Variants in LYRM1 observed in about 807,000 individuals in gnomAD.
The protein encoded by LYRM1 is LYR motif containing 1, also known as LYR motif-containing protein 1.
In LYRM1, 14 loss-of-function variants were observed where a neutral mutation model predicts 14.9. That is an observed-to-expected ratio of 0.94 (90% CI 0.62 to 1.47). The LOEUF is 1.47. Ranked by LOEUF, LYRM1 falls within the 40% of genes most tolerant of loss-of-function variation. The pLI is 0.00. For missense variants in LYRM1, 153 were observed against 149.9 expected (o/e 1.02, Z -0.11); for synonymous variants, 43 against 56.2 (o/e 0.77, Z 1.05).
chr16:20,914,981 T>G (rs2082799475), intron 1 of LYRM1, among the ~76,000 whole-genome samples: 1 of 152,174 alleles, frequency 6.6e-6, no homozygotes. Flanking sequence ...GAATAATAAG[T>G]GTGAGCTTTG....
intron 2 of LYRM1, among the ~76,000 whole-genome samples, chr16:20,916,445 C>T (rs1195562985): frequency 6.6e-6 from 1 of 152,156 alleles, no homozygotes; most frequent in Non-Finnish European, 1.5e-5. Flanking sequence ...GTCACTGCTC[C>T]CCTCATGAAA....
chr16:20,923,266 A>G (rs1446224382), intron 3 of LYRM1, among the ~76,000 whole-genome samples: 1 of 152,236 alleles, frequency 6.6e-6, no homozygotes, highest in African/African-American at 2.4e-5. Flanking sequence ...ATGGGAGGCC[A>G]AGGCAGGTGG....
At chr16:20,910,866 G>C (rs556002403) in intron 1 of LYRM1, among the ~76,000 whole-genome samples, 2 of 152,342 alleles carry the variant, frequency 1.3e-5, no homozygotes, top group East Asian at 3.9e-4. Context: ...AGTCAAGGAA[G>C]TTCCGTCTGT....
At chr16:20,916,680 A>G (rs544737659) in intron 2 of LYRM1, among the ~76,000 whole-genome samples, 13 of 152,244 alleles carry the variant, frequency 8.5e-5, no homozygotes, top group East Asian at 1.9e-4. Context: ...CCACGGCTCA[A>G]TGGTCCAAAG....
chr16:20,917,917 T>C (rs1026100557), intron 2 of LYRM1, among the ~76,000 whole-genome samples: 5 of 151,852 alleles, frequency 3.3e-5, no homozygotes, highest in Admixed American at 1.3e-4. Context: ...TATACTTATC[T>C]AGTATATCCC....
chr16:20,900,550 C>G (rs1043725592), upstream of LYRM1: 1 of 152,372 alleles, frequency 6.6e-6, no homozygotes, highest in African/African-American at 2.4e-5. Flanking sequence ...GGGCAAAGAC[C>G]TAGCAACCCG....
intron 1 of LYRM1, among the ~76,000 whole-genome samples, chr16:20,904,691 T>TTGTGTGTG (rs3841490): frequency 0.014 from 2,022 of 141,084 alleles, 32 homozygotes; most frequent in East Asian, 0.062. Context: ...AAGTCTGTGG[T>TTGTGTGTG]TGTGTGTGTG....
chr16:20,924,371 G>T lies in LYRM1; in HGVS notation c.*255G>T. 3.0e-6 allele frequency: 1 copy of T among 332,692 alleles called. No individual in the cohort carries two copies. The highest frequency in any genetic ancestry group is 4.6e-5 in the Admixed American group (1 of 21,934). 20.6% of individuals were successfully genotyped at this position (332,692 alleles called of 1,614,324 possible). Reference sequence around the variant, plus strand: ...CAGTCACCTTTGGAAACAAGACCGAGGCCTGTAGAAGGAAAGCGGAAGGAT... The same window carrying T: ...CAGTCACCTTTGGAAACAAGACCGATGCCTGTAGAAGGAAAGCGGAAGGAT... On this transcript the variant is annotated 3_prime_UTR_variant, in exon 4 of 4. Transcript: ENST00000567954.
At chr16:20,907,209 C>T (rs2082365982) in intron 1 of LYRM1, among the ~76,000 whole-genome samples, 2 of 152,074 alleles carry the variant, frequency 1.3e-5, no homozygotes, top group African/African-American at 4.8e-5. Flanking sequence ...TAAATCAGAC[C>T]GTGTTACTCC....
At chr16:20,905,838 C>T (rs966431754) in intron 1 of LYRM1, among the ~76,000 whole-genome samples, 3 of 152,186 alleles carry the variant, frequency 2.0e-5, no homozygotes, top group Non-Finnish European at 2.9e-5. Flanking sequence ...TTTATCCTGA[C>T]ACACACTGCT....
chr16:20,914,214 C>G (rs1433793100), intron 1 of LYRM1, among the ~76,000 whole-genome samples: 1 of 151,274 alleles, frequency 6.6e-6, no homozygotes, highest in African/African-American at 2.4e-5. Flanking sequence ...GAGGTTGCAA[C>G]CTGACAACCT....
intron 1 of LYRM1, chr16:20,902,826 C>G (rs1293552078): frequency 1.3e-5 from 2 of 152,196 alleles, no homozygotes; most frequent in African/African-American, 4.8e-5. Flanking sequence ...GCTCCTGGTA[C>G]AGAGCCTTGT....
intron 3 of LYRM1, chr16:20,920,511 A>G (rs1034203573): frequency 2.8e-6 from 1 of 358,850 alleles, no homozygotes; most frequent in South Asian, 4.0e-5. Flanking sequence ...GTGTTTAATT[A>G]TAAAAGGCAG....
chr16:20,917,053 T>TTAA (rs1422763112), intron 2 of LYRM1, among the ~76,000 whole-genome samples: 2 of 122,908 alleles, frequency 1.6e-5, no homozygotes, highest in African/African-American at 5.9e-5. Flanking sequence ...CCCTGTCTCT[T>TTAA]AAAAAAAAAA....
At chr16:20,918,281 CA>C (rs1461719864) in intron 2 of LYRM1, among the ~76,000 whole-genome samples, 1 of 152,248 alleles carries the variant, frequency 6.6e-6, no homozygotes, top group African/African-American at 2.4e-5. Flanking sequence ...TCAGTTATCG[CA>C]ATAACCCTTC....
chr16:20,920,430 C>T (rs529694951), intron 3 of LYRM1: 18 of 503,486 alleles, frequency 3.6e-5, no homozygotes, highest in South Asian at 1.4e-4. Context: ...TAGCTTTCCA[C>T]GTATGGAAGG....
intron 1 of LYRM1, among the ~76,000 whole-genome samples, chr16:20,912,280 T>A (rs1201557450): frequency 6.8e-6 from 1 of 146,894 alleles, no homozygotes; most frequent in East Asian, 2.1e-4. Context: ...GTTTTTTTTG[T>A]TTTTTTTGAG....
chr16:20,922,346 G>A (rs768553876), intron 3 of LYRM1, among the ~76,000 whole-genome samples: 7 of 152,036 alleles, frequency 4.6e-5, no homozygotes, highest in Non-Finnish European at 1.0e-4. Context: ...CATTGTGTTA[G>A]GGTTCTTCAA....
intron 1 of LYRM1, among the ~76,000 whole-genome samples, chr16:20,903,182 C>T (rs1300621165): frequency 6.6e-6 from 1 of 152,218 alleles, no homozygotes; most frequent in East Asian, 1.9e-4. Context: ...TTTAAATTTA[C>T]TTGCCAACAT....
Sources: allele counts gnomAD v4.1 joint callset (sites outside exome capture counted in the v4.1 genomes callset), GRCh38; gene constraint gnomAD v4.1.1; transcripts MANE v1.5; gene names NCBI Gene and HGNC (gene_info 2026-07-23, HGNC 2026-07-21).